The following MAGI1 variants were observed in gnomAD, a reference collection of about 807,000 sequenced individuals.
MAGI1 encodes membrane-associated guanylate kinase, WW and PDZ domain-containing protein 1.
A neutral mutation model predicts 139.9 loss-of-function variants in MAGI1; 58 were observed. That is an observed-to-expected ratio of 0.41 (90% confidence interval 0.34 to 0.52). The LOEUF (loss-of-function observed/expected upper bound fraction) is 0.52, where lower values mean the gene tolerates loss of function less well. Among genes scored for constraint, MAGI1 ranks in the 20% least tolerant of loss-of-function variants. The pLI, the probability that MAGI1 is intolerant of heterozygous loss-of-function variation, is 0.12. For missense variants in MAGI1, 1,874 were observed against 1,901.6 expected, an observed-to-expected ratio of 0.99 and a Z score of 0.27; for synonymous variants, 812 against 737.9, an observed-to-expected ratio of 1.10 and a Z score of -1.63.
intron 1 of MAGI1, among the ~76,000 whole-genome samples, chr3:65,985,667 T>A (rs1044439113): frequency 2.6e-5 from 4 of 152,210 alleles, no homozygotes; most frequent in African/African-American, 9.6e-5. Flanking sequence ...GATGGTTTAT[T>A]TACTAACTAC....
At chr3:65,487,580 A>T (rs1291256878) in intron 3 of MAGI1, among the ~76,000 whole-genome samples, 1 of 152,158 alleles carries the variant, frequency 6.6e-6, no homozygotes, top group Non-Finnish European at 1.5e-5. Flanking sequence ...TCCAGCTGTA[A>T]AGTCCTACAA....
chr3:65,615,033 A>T (rs2083298969), intron 2 of MAGI1, among the ~76,000 whole-genome samples: 1 of 151,772 alleles, frequency 6.6e-6, no homozygotes, highest in South Asian at 2.1e-4. Flanking sequence ...AAAAAAAAAA[A>T]AAGAAAGAAA....
intron 1 of MAGI1, chr3:65,874,568 G>T (rs1172588169): frequency 6.6e-6 from 1 of 152,200 alleles, no homozygotes; most frequent in Admixed American, 6.5e-5. Flanking sequence ...AAAACACAAT[G>T]AGATCGACTT....
rs147500535 is a variant in MAGI1 at position 65,771,022 on chromosome 3, C to A, written c.314-148934G>T. Among the ~76,000 whole-genome samples the A allele has an allele frequency of 7.1e-4, 108 of 151,864 alleles. No homozygotes were observed. In the East Asian group the frequency reaches 0.019, roughly 27 times the overall value. ...TTTATTTTTAAAGAAGATTACTGGGCAGGGTGTGGTATTACAGATTACACC... is the reference window on the plus strand; with the variant it reads ...TTTATTTTTAAAGAAGATTACTGGGAAGGGTGTGGTATTACAGATTACACC... On this transcript the variant is annotated intron_variant, in intron 1 of 22. Transcript: ENST00000402939.
At chr3:65,911,391 C>T (rs1560004686) in intron 1 of MAGI1, among the ~76,000 whole-genome samples, 1 of 152,118 alleles carries the variant, frequency 6.6e-6, no homozygotes, top group East Asian at 1.9e-4. Context: ...GGCTTCAGCT[C>T]CCTCCACCAG....
At chr3:65,768,397 G>A (rs142402715) in intron 1 of MAGI1, among the ~76,000 whole-genome samples, 2 of 152,120 alleles carry the variant, frequency 1.3e-5, no homozygotes, top group East Asian at 3.9e-4. Flanking sequence ...TCCAACCTAC[G>A]TGACAGAGCA....
intron 1 of MAGI1, among the ~76,000 whole-genome samples, chr3:65,823,967 G>A (rs146294417): frequency 0.026 from 3,946 of 152,252 alleles, 93 homozygotes; most frequent in Middle Eastern, 0.034. Flanking sequence ...AGGACATTGG[G>A]TGAATTATTT....
chr3:65,410,922 T>C (rs1302928281), intron 12 of MAGI1, among the ~76,000 whole-genome samples: 1 of 152,210 alleles, frequency 6.6e-6, no homozygotes, highest in African/African-American at 2.4e-5. Flanking sequence ...AAATGTTTCC[T>C]GACGCTACCT....
intron 1 of MAGI1, among the ~76,000 whole-genome samples, chr3:65,798,567 T>G (rs999335746): frequency 6.6e-6 from 1 of 152,154 alleles, no homozygotes; most frequent in African/African-American, 2.4e-5. Flanking sequence ...TTAGGAAGGA[T>G]GCTCTGGGTT....
chr3:65,369,369 C>T (rs974862047), intron 18 of MAGI1, among the ~76,000 whole-genome samples: 2 of 152,066 alleles, frequency 1.3e-5, no homozygotes, highest in African/African-American at 2.4e-5. Flanking sequence ...ATAAGGCTAC[C>T]GATGACAAGA....
chr3:65,914,568 C>T (rs2061812321), intron 1 of MAGI1, among the ~76,000 whole-genome samples: 1 of 152,324 alleles, frequency 6.6e-6, no homozygotes, highest in South Asian at 2.1e-4. Context: ...TAGCTCCCCT[C>T]AGACAAAACA....
At chr3:65,560,558 C>T (rs2080298708) in intron 2 of MAGI1, among the ~76,000 whole-genome samples, 2 of 152,086 alleles carry the variant, frequency 1.3e-5, no homozygotes, top group African/African-American at 4.8e-5. Flanking sequence ...TCTAAAGGAG[C>T]CGGTCATCTG....
At chr3:65,638,384 C>T (rs1485624335) in intron 1 of MAGI1, among the ~76,000 whole-genome samples, 1 of 151,856 alleles carries the variant, frequency 6.6e-6, no homozygotes, top group East Asian at 1.9e-4. Flanking sequence ...ATGTACAAAA[C>T]AAATGAGTTA....
chr3:65,716,565 G>C (rs1478291019), intron 1 of MAGI1, among the ~76,000 whole-genome samples: 2 of 152,174 alleles, frequency 1.3e-5, no homozygotes, highest in Non-Finnish European at 2.9e-5. Flanking sequence ...ACCTGACTCT[G>C]AAATTCCCAG....
chr3:65,467,940 A>G (rs1490024791), intron 5 of MAGI1, among the ~76,000 whole-genome samples: 3 of 152,234 alleles, frequency 2.0e-5, no homozygotes, highest in Admixed American at 6.5e-5. Flanking sequence ...AACCACAGAT[A>G]ATGATGATGA....
intron 1 of MAGI1, among the ~76,000 whole-genome samples, chr3:65,888,119 G>A (rs547075055): frequency 6.6e-6 from 1 of 152,266 alleles, no homozygotes; most frequent in East Asian, 1.9e-4. Context: ...TCTCTCTACT[G>A]TGAAAACAAT....
intron 2 of MAGI1, among the ~76,000 whole-genome samples, chr3:65,564,412 T>G (rs2108032090): frequency 1.3e-5 from 2 of 152,306 alleles, no homozygotes; most frequent in Middle Eastern, 6.8e-3. Context: ...TGATTTTTCT[T>G]GTTTGCTGAA....
At chr3:65,715,733 T>A (rs1417942392) in intron 1 of MAGI1, among the ~76,000 whole-genome samples, 1 of 152,238 alleles carries the variant, frequency 6.6e-6, no homozygotes, top group Non-Finnish European at 1.5e-5. Flanking sequence ...AATTATTTCA[T>A]GTGAAAGATA....
At chr3:65,504,266 A>G (rs1303829749) in intron 2 of MAGI1, among the ~76,000 whole-genome samples, 2 of 152,240 alleles carry the variant, frequency 1.3e-5, no homozygotes, top group Non-Finnish European at 2.9e-5. Context: ...AAATACATTC[A>G]TGTGCAAGGA....
Sources: allele counts gnomAD v4.1 joint callset (sites outside exome capture counted in the v4.1 genomes callset), GRCh38; gene constraint gnomAD v4.1.1; transcripts MANE v1.5; gene names NCBI Gene and HGNC (gene_info 2026-07-23, HGNC 2026-07-21).